The following CNTNAP2 variants were observed in gnomAD, a reference collection of about 807,000 sequenced individuals.
CNTNAP2 encodes the protein contactin associated protein 2, also known as contactin-associated protein-like 2.
Under a neutral mutation model 155.2 loss-of-function variants are expected in CNTNAP2, and 98 were observed. That is an observed-to-expected ratio of 0.63 (90% CI 0.54 to 0.75). CNTNAP2 has a LOEUF of 0.75. Ranked by LOEUF, CNTNAP2 falls within the 30% of genes least tolerant of loss-of-function variation. CNTNAP2 has a pLI of 0.00. For synonymous variants in CNTNAP2, 651 were observed against 631.2 expected (o/e 1.03, Z -0.47); for missense variants, 1,727 against 1,688.1 (o/e 1.02, Z -0.40).
intron 11 of CNTNAP2, among the ~76,000 whole-genome samples, chr7:147,538,736 C>G (rs560835361): frequency 6.6e-6 from 1 of 152,116 alleles, no homozygotes; most frequent in Admixed American, 6.6e-5. Flanking sequence ...AAAACAAATT[C>G]AATAATCCTC....
chr7:146,427,339 C>G (rs1796108281), intron 1 of CNTNAP2, among the ~76,000 whole-genome samples: 1 of 152,132 alleles, frequency 6.6e-6, no homozygotes, highest in African/African-American at 2.4e-5. Context: ...AGGGGTCAAT[C>G]TCTGTCGCAA....
At chr7:147,572,148 G>T (rs536151509) in intron 12 of CNTNAP2, among the ~76,000 whole-genome samples, 1 of 152,066 alleles carries the variant, frequency 6.6e-6, no homozygotes, top group Non-Finnish European at 1.5e-5. Flanking sequence ...TCTCCGTAAC[G>T]GATTACCCAC....
At chr7:147,563,215 A>G (rs1032877569) in intron 12 of CNTNAP2, among the ~76,000 whole-genome samples, 1 of 152,194 alleles carries the variant, frequency 6.6e-6, no homozygotes, top group Non-Finnish European at 1.5e-5. Context: ...ACCTCATAGC[A>G]TTATTGTATG....
rs190514877 is a variant in CNTNAP2 at position 147,189,995 on chromosome 7, C to T, written c.1348+57486C>T. On this transcript the variant is annotated intron_variant, in intron 8 of 23. Coordinates refer to ENST00000361727, the MANE Select transcript of CNTNAP2 (RefSeq NM_014141.6). Reference sequence around the variant, plus strand: ...TCTTGACCTCGTGATCCACCCGCCTCGGCCTCCCAAAGAGCTAGGATTACA... The same window carrying T: ...TCTTGACCTCGTGATCCACCCGCCTTGGCCTCCCAAAGAGCTAGGATTACA... Among the ~76,000 whole-genome samples the T allele has an allele frequency of 1.8e-3, 279 of 152,228 alleles. 2 individuals are homozygous for T. The highest frequency in any genetic ancestry group is 6.4e-3 in the African/African-American group (264 of 41,542).
At chr7:148,206,578 A>G (rs1244181853) in intron 18 of CNTNAP2, among the ~76,000 whole-genome samples, 1 of 152,162 alleles carries the variant, frequency 6.6e-6, no homozygotes, top group African/African-American at 2.4e-5. Flanking sequence ...CACATTTAAT[A>G]CCAAGTTATG....
At chr7:146,133,395 T>A (rs1363026495) in intron 1 of CNTNAP2, among the ~76,000 whole-genome samples, 1 of 152,202 alleles carries the variant, frequency 6.6e-6, no homozygotes, top group East Asian at 1.9e-4. Context: ...TTTCTTTTGC[T>A]GTGCAGAAGC....
At chr7:146,885,631 A>G (rs1246779285) in intron 3 of CNTNAP2, among the ~76,000 whole-genome samples, 1 of 152,180 alleles carries the variant, frequency 6.6e-6, no homozygotes, top group African/African-American at 2.4e-5. Flanking sequence ...AGAAAGTTTC[A>G]GCAATTATTT....
intron 14 of CNTNAP2, among the ~76,000 whole-genome samples, chr7:147,960,838 CTG>C (rs1491035297): frequency 2.6e-5 from 4 of 151,838 alleles, no homozygotes; most frequent in Non-Finnish European, 4.4e-5. Context: ...TTCTCTCTCT[CTG>C]TCTCTCTCTT....
intron 2 of CNTNAP2, among the ~76,000 whole-genome samples, chr7:146,793,824 G>GT (rs1654262304): frequency 6.6e-6 from 1 of 152,176 alleles, no homozygotes; most frequent in East Asian, 1.9e-4. Context: ...TTAATGAAGA[G>GT]TAGGCAGTAT....
At chr7:146,797,527 G>A (rs1157695418) in intron 2 of CNTNAP2, among the ~76,000 whole-genome samples, 1 of 152,212 alleles carries the variant, frequency 6.6e-6, no homozygotes, top group Admixed American at 6.5e-5. Flanking sequence ...TTAGGACAAA[G>A]TTGTTAGCAA....
chr7:148,054,630 ACT>A (rs1424155998), intron 15 of CNTNAP2, among the ~76,000 whole-genome samples: 1 of 151,878 alleles, frequency 6.6e-6, no homozygotes, highest in East Asian at 1.9e-4. Flanking sequence ...GCAGAGGCCA[ACT>A]CTTTTCCTTT....
chr7:147,467,434 A>G (rs1414122114), intron 10 of CNTNAP2, among the ~76,000 whole-genome samples: 1 of 152,222 alleles, frequency 6.6e-6, no homozygotes, highest in African/African-American at 2.4e-5. Flanking sequence ...AGTGAAATAA[A>G]CAGAAAATCA....
At chr7:148,026,132 C>A (rs564427309) in intron 15 of CNTNAP2, among the ~76,000 whole-genome samples, 3 of 152,144 alleles carry the variant, frequency 2.0e-5, no homozygotes, top group African/African-American at 7.2e-5. Flanking sequence ...AGCTTACCCC[C>A]AAAAGTAAAG....
At chr7:148,199,369 G>C (rs922354147) in intron 18 of CNTNAP2, among the ~76,000 whole-genome samples, 4 of 152,156 alleles carry the variant, frequency 2.6e-5, no homozygotes, top group Non-Finnish European at 4.4e-5. Context: ...TATTCTAAGA[G>C]GGCTGAACTG....
chr7:147,371,014 G>T (rs1796330184), intron 9 of CNTNAP2, among the ~76,000 whole-genome samples: 1 of 152,086 alleles, frequency 6.6e-6, no homozygotes, highest in East Asian at 1.9e-4. Flanking sequence ...TAGCTATATT[G>T]CATGTGCTAT....
chr7:146,901,919 A>T (rs1159564190), intron 3 of CNTNAP2, among the ~76,000 whole-genome samples: 2 of 118,814 alleles, frequency 1.7e-5, no homozygotes, highest in Non-Finnish European at 3.2e-5. Flanking sequence ...TCTGTCACCC[A>T]GGCTGGAGTG....
In CNTNAP2 at chr7:147,232,323, G is replaced by A. The variant is rs1603459; in HGVS notation, c.1349-67818G>A. Reference sequence around the variant, plus strand: ...TTTTTCACGGAAATGCCGTTTCACAGAAATGCCACAGAAAAGACAATCCTA... The same window carrying A: ...TTTTTCACGGAAATGCCGTTTCACAAAAATGCCACAGAAAAGACAATCCTA... On this transcript the variant is annotated intron_variant, in intron 8 of 23. Coordinates refer to ENST00000361727, the MANE Select transcript of CNTNAP2 (RefSeq NM_014141.6). Among the ~76,000 whole-genome samples the A allele has an allele frequency of 2.6e-3, 402 of 152,254 alleles. 1 individual carries two copies. The highest frequency in any genetic ancestry group is 0.013 in the South Asian group (64 of 4,832).
At chr7:146,382,735 C>A (rs1485651917) in intron 1 of CNTNAP2, among the ~76,000 whole-genome samples, 2 of 152,064 alleles carry the variant, frequency 1.3e-5, no homozygotes, top group Non-Finnish European at 2.9e-5. Flanking sequence ...TCTGCTTAAA[C>A]AAATAAAGTT....
intron 13 of CNTNAP2, among the ~76,000 whole-genome samples, chr7:147,641,873 A>G (rs1257076242): frequency 6.6e-6 from 1 of 152,092 alleles, no homozygotes; most frequent in Non-Finnish European, 1.5e-5. Flanking sequence ...AATCTATGGT[A>G]TTTTGTTATG....
Sources: gnomAD v4.1 joint callset for allele counts (sites outside exome capture counted in the v4.1 genomes callset) on GRCh38, gnomAD v4.1.1 for gene constraint, MANE v1.5 for transcripts, NCBI Gene and HGNC (gene_info 2026-07-23, HGNC 2026-07-21) for gene names.